The following TOPBP1 variants were observed in gnomAD, a reference collection of about 807,000 sequenced individuals.
TOPBP1 encodes the protein DNA topoisomerase 2-binding protein 1.
In TOPBP1, 28 loss-of-function variants were observed where a neutral mutation model predicts 167.7. The ratio of observed to expected loss-of-function variants is 0.17; its 90% CI spans 0.12 to 0.23. The LOEUF is 0.23. Ranked by LOEUF, TOPBP1 falls within the 10% of genes least tolerant of loss-of-function variation. TOPBP1 has a pLI of 1.00. For synonymous variants in TOPBP1, 598 were observed against 611.4 expected (o/e 0.98, Z 0.32); for missense variants, 1,554 against 1,809.6 (o/e 0.86, Z 2.56).
intron 14 of TOPBP1, among the ~76,000 whole-genome samples, chr3:133,632,168 G>A (rs990768398): frequency 6.6e-6 from 1 of 151,884 alleles, no homozygotes; most frequent in African/African-American, 2.4e-5. Context: ...ATTTTGGGAG[G>A]CTGAGGTGGG....
chr3:133,609,992 G>T (rs2107771227), intron 25 of TOPBP1, among the ~76,000 whole-genome samples: 1 of 152,232 alleles, frequency 6.6e-6, no homozygotes, highest in African/African-American at 2.4e-5. Context: ...GATTACAAAA[G>T]GAAGCCATTT....
chr3:133,619,772 A>C (rs1210007638), intron 20 of TOPBP1, among the ~76,000 whole-genome samples: 1 of 152,224 alleles, frequency 6.6e-6, no homozygotes, highest in African/African-American at 2.4e-5. Flanking sequence ...CGGAGGTAAT[A>C]AAAAGTATCA....
intron 23 of TOPBP1, among the ~76,000 whole-genome samples, chr3:133,615,329 T>C (rs1576682367): frequency 6.6e-6 from 1 of 151,986 alleles, no homozygotes; most frequent in Non-Finnish European, 1.5e-5. Context: ...AATACAAAAT[T>C]AGCCAGGCGT....
At position 133,640,203 on chromosome 3, in the gene TOPBP1, C is replaced by T. The variant is rs1935849518; in HGVS notation, c.2022-33G>A. The T allele has an allele frequency of 2.5e-6, 4 of 1,571,482 alleles. No homozygotes were observed. The East Asian group carries it at 9.1e-5, about 36-fold the overall frequency. ...TTATGTTTAAAGAAGTGGAAATGGT[C>T]ACATATACAATTAACCCGCAAAACT... On this transcript the variant is annotated intron_variant, in intron 12 of 27. Transcript: ENST00000260810.
chr3:133,656,560 G>C (rs1936483913), intron 5 of TOPBP1, 116 bp downstream of exon 5: 1 of 1,007,770 alleles, frequency 9.9e-7, no homozygotes, highest in African/African-American at 1.7e-5. Flanking sequence ...CTGGAGAAAA[G>C]AGTAATGACA....
At chr3:133,625,717 G>A (rs1166200723) in intron 16 of TOPBP1, among the ~76,000 whole-genome samples, 2 of 150,290 alleles carry the variant, frequency 1.3e-5, no homozygotes, top group Admixed American at 6.6e-5. Context: ...GGCAACAAGA[G>A]CAAAACTCCC....
At chr3:133,645,785 T>C (rs1161794579) in intron 10 of TOPBP1, among the ~76,000 whole-genome samples, 1 of 152,114 alleles carries the variant, frequency 6.6e-6, no homozygotes, top group Non-Finnish European at 1.5e-5. Flanking sequence ...ATTTTAGCAG[T>C]AGGATCTCTT....
chr3:133,658,906 G>T, intron 3 of TOPBP1, 110 bp downstream of exon 3: 2 of 1,173,798 alleles, frequency 1.7e-6, no homozygotes, highest in Non-Finnish European at 2.3e-6. Flanking sequence ...GAATTCCAAT[G>T]TACTCATAAG....
At chr3:133,659,444 G>A (rs1936603657) in intron 2 of TOPBP1, among the ~76,000 whole-genome samples, 1 of 152,060 alleles carries the variant, frequency 6.6e-6, no homozygotes, top group African/African-American at 2.4e-5. Context: ...TCTTACTACA[G>A]CCTTCAAGAC....
At chr3:133,612,196 C>T (rs909591612) in intron 24 of TOPBP1, among the ~76,000 whole-genome samples, 193 bp downstream of exon 24, 2 of 152,064 alleles carry the variant, frequency 1.3e-5, no homozygotes, top group Non-Finnish European at 2.9e-5. Flanking sequence ...CACTCACCAC[C>T]ATGCCTGGCT....
chr3:133,653,535 C>A lies in TOPBP1; in HGVS notation c.743-11G>T. 1 of 1,515,810 alleles carries A rather than the reference C, an allele frequency of 6.6e-7. No individual in the cohort carries two copies. Among genetic ancestry groups the A allele is most frequent in the East Asian group, 2.5e-5 (1 of 40,660 alleles). 93.9% of individuals were successfully genotyped at this position (1,515,810 alleles called of 1,614,324 possible). A position where few individuals can be genotyped will look rare whatever the true frequency, so the allele number is the denominator to read the frequency against. On this transcript the variant is annotated splice_polypyrimidine_tract_variant and intron_variant, in intron 6 of 27. Transcript: ENST00000260810. ...ACTCATACTTCTGACCTGTGGCGTT[C>A]ATTAAGAAAGAAATAGAGAAAATAG...
At chr3:133,641,133 T>C (rs890331900) in intron 12 of TOPBP1, among the ~76,000 whole-genome samples, 1 of 152,222 alleles carries the variant, frequency 6.6e-6, no homozygotes. Flanking sequence ...TTTCATTTTT[T>C]ACATTTAACC....
Position 133,638,083 on chromosome 3 carries a change from T to C in TOPBP1, c.2313A>G (p.Gln771=). 1 of 1,614,028 alleles carries C rather than the reference T, an allele frequency of 6.2e-7. No homozygotes were observed. Among genetic ancestry groups the C allele is most frequent in the Non-Finnish European group, 8.5e-7 (1 of 1,179,878 alleles). ...GTGTAACGACGGTTTTTCTGTGAGT[T>C]TGCAGGCGTGTGCCAGGATGCTCTG... ...DTAEHPGTRL[Q]THRKTVVTPL... Residue 771 remains glutamine (Q), a synonymous_variant, in exon 14 of 28, where the codon CAA becomes CAG. Coordinates refer to ENST00000260810, the MANE Select transcript of TOPBP1 (RefSeq NM_007027.4).
At chr3:133,625,776 C>T (rs1935248184) in intron 16 of TOPBP1, among the ~76,000 whole-genome samples, 1 of 151,828 alleles carries the variant, frequency 6.6e-6, no homozygotes, top group South Asian at 2.1e-4. Context: ...AGTACTATTG[C>T]CTCCTAAGTT....
At chr3:133,650,545 T>A (rs1936255896) in intron 8 of TOPBP1, among the ~76,000 whole-genome samples, 1 of 152,152 alleles carries the variant, frequency 6.6e-6, no homozygotes, top group Non-Finnish European at 1.5e-5. Flanking sequence ...GAGGATAACA[T>A]GTATGCAGTA....
At chr3:133,623,971 A>G (rs1254899519) in intron 17 of TOPBP1, 81 bp downstream of exon 17, 4 of 1,473,682 alleles carry the variant, frequency 2.7e-6, no homozygotes, top group Non-Finnish European at 3.6e-6. Flanking sequence ...TGAGAGTGAA[A>G]ACTCTTGAGT....
intron 10 of TOPBP1, among the ~76,000 whole-genome samples, chr3:133,646,852 T>A (rs1936092717): frequency 6.6e-6 from 1 of 152,120 alleles, no homozygotes; most frequent in Admixed American, 6.5e-5. Context: ...TTTGAAACAC[T>A]CTCACTAAAA....
intron 23 of TOPBP1, among the ~76,000 whole-genome samples, chr3:133,612,772 G>A (rs1309007913): frequency 6.6e-6 from 1 of 151,896 alleles, no homozygotes; most frequent in African/African-American, 2.4e-5. Flanking sequence ...AAATAAAATA[G>A]TAAAATGAAC....
intron 16 of TOPBP1, among the ~76,000 whole-genome samples, chr3:133,625,605 C>T (rs935022965): frequency 5.9e-5 from 9 of 152,046 alleles, no homozygotes; most frequent in East Asian, 5.8e-4. Flanking sequence ...GTGGCGCATG[C>T]CTGTAATACC....
Sources: gnomAD v4.1 joint callset for allele counts (sites outside exome capture counted in the v4.1 genomes callset) on GRCh38, gnomAD v4.1.1 for gene constraint, MANE v1.5 for transcripts, NCBI Gene and HGNC (gene_info 2026-07-23, HGNC 2026-07-21) for gene names.